The following POLR2G variants were observed in gnomAD, a reference collection of about 807,000 sequenced individuals.
The protein encoded by POLR2G is RNA polymerase II subunit G, also known as DNA-directed RNA polymerase II subunit RPB7.
POLR2G carries 19 observed loss-of-function variants against 25.7 expected under a neutral mutation model. The ratio of observed to expected loss-of-function variants is 0.74; its 90% CI spans 0.52 to 1.08. The LOEUF is 1.08. Among genes scored for constraint, POLR2G ranks in the 50% least tolerant of loss-of-function variants. POLR2G has a pLI of 0.00. For synonymous variants in POLR2G, 79 were observed against 76.0 expected (o/e 1.04, Z -0.21); for missense variants, 123 against 218.5 (o/e 0.56, Z 2.76).
intron 7 of POLR2G, 25 bp downstream of exon 7, chr11:62,766,301 G>A (rs1423417355): frequency 6.2e-7 from 1 of 1,610,052 alleles, no homozygotes; most frequent in Admixed American, 1.7e-5. Context: ...ATAGGTGCTG[G>A]GGTTATTGCC....
rs201119366 is a variant in POLR2G at position 62,761,828 on chromosome 11, C to G, written c.46C>G (p.Arg16Gly). The G allele has an allele frequency of 4.3e-6, 7 of 1,614,024 alleles. No homozygotes were observed. In the Admixed American group the frequency reaches 1.0e-4, roughly 23 times the overall value. The change falls in exon 2 of 8, where the codon CGC (arginine) becomes GGC (glycine). Residue 16 changes from arginine to glycine, a missense_variant. Coordinates refer to ENST00000301788, the MANE Select transcript of POLR2G (RefSeq NM_002696.3). ...SLEHEILLHP[R>G]YFGPNLLNTV... ...AGAGCACGAAATCCTGCTGCACCCG[C>G]GCTACTTCGGCCCCAACTTGCTCAA...
rs901547366 is a variant in POLR2G at position 62,762,977 on chromosome 11, G to C, written c.233G>C (p.Arg78Pro). The change falls in exon 3 of 8, where the codon CGG becomes CCG. Residue 78 changes from arginine to proline, a missense_variant. By Grantham distance (103) the Arg-to-Pro change is moderately radical. Coordinates refer to ENST00000301788, the MANE Select transcript of POLR2G (RefSeq NM_002696.3). ...GTTAAGTACAAGGCCATTGTTTTCC[G>C]GCCATTTAAAGGGGAGGTCGTGGAT... ...YPVKYKAIVF[R>P]PFKGEVVDAV... 8 of 1,610,714 alleles carry C rather than the reference G, an allele frequency of 5.0e-6. No individual in the cohort carries two copies. The highest frequency in any genetic ancestry group is 6.8e-6 in the Non-Finnish European group (8 of 1,177,482).
At chr11:62,762,228 T>G (rs2084092754) in intron 2 of POLR2G, 1 of 339,590 alleles carries the variant, frequency 2.9e-6, no homozygotes, top group Admixed American at 4.1e-5. Flanking sequence ...CCTGTGGAGC[T>G]CACAGTGTAA....
chr11:62,765,327 ACT>A lies in POLR2G; in HGVS notation c.334-12_334-11del, dbSNP rs1191807041. The stretch of plus-strand genomic sequence containing the variant: ...CATTTAAAGTGCTAACCTAGATCTC[ACT>A]TTCCTTTCAGTCCATCCCTTCAGAG... On this transcript the variant is annotated splice_polypyrimidine_tract_variant and intron_variant, in intron 4 of 7. Coordinates refer to ENST00000301788, the MANE Select transcript of POLR2G (RefSeq NM_002696.3). The A allele has an allele frequency of 1.2e-6, 2 of 1,611,606 alleles. No individual in the cohort carries two copies. The highest frequency in any genetic ancestry group is 2.7e-5 in the African/African-American group (2 of 74,838).
chr11:62,766,595 T>A lies in POLR2G; in HGVS notation c.*88T>A. 7.5e-7 allele frequency: 1 copy of A among 1,328,176 alleles called. No homozygotes were observed. The highest frequency in any genetic ancestry group is 1.1e-6 in the Non-Finnish European group (1 of 925,886). 82.3% of individuals were successfully genotyped at this position (1,328,176 alleles called of 1,614,324 possible). On this transcript the variant is annotated 3_prime_UTR_variant, in exon 8 of 8. Transcript: ENST00000301788. ...GTCCAGAGGTCCAGTCTGGCTGCTGTTGTGGAGGCAAGGAAGGCAACTCAT... is the reference window on the plus strand; with the variant it reads ...GTCCAGAGGTCCAGTCTGGCTGCTGATGTGGAGGCAAGGAAGGCAACTCAT...
Position 62,765,669 on chromosome 11 carries a change from A to C in POLR2G, c.416A>C (p.Gln139Pro). Residue 139 changes from glutamine to proline, a missense_variant, in exon 6 of 8, where the codon CAG becomes CCG. Gln to Pro is a moderately conservative substitution (Grantham distance 76). Coordinates refer to ENST00000301788, the MANE Select transcript of POLR2G (RefSeq NM_002696.3). ...TCTCCTCAGGATATTGTGATTCAGC[A>C]GGACGATGAGATCCGCTTAAAGATT... ...KTMDEDIVIQ[Q>P]DDEIRLKIVG... 1.2e-6 allele frequency: 2 copies of C among 1,610,808 alleles called. No homozygotes were observed. The highest frequency in any genetic ancestry group is 1.7e-6 in the Non-Finnish European group (2 of 1,176,962).
Position 62,765,328 on chromosome 11 carries a change from C to G in POLR2G, c.334-12C>G. On this transcript the variant is annotated splice_polypyrimidine_tract_variant and intron_variant, in intron 4 of 7. Transcript: ENST00000301788. ...ATTTAAAGTGCTAACCTAGATCTCACTTTCCTTTCAGTCCATCCCTTCAGA... is the reference window on the plus strand; with the variant it reads ...ATTTAAAGTGCTAACCTAGATCTCAGTTTCCTTTCAGTCCATCCCTTCAGA... 7 of 1,612,400 alleles carry G rather than the reference C, an allele frequency of 4.3e-6. No individual in the cohort carries two copies. The highest frequency in any genetic ancestry group is 5.9e-6 in the Non-Finnish European group (7 of 1,178,442).
In POLR2G at chr11:62,766,516, G is replaced by T; in HGVS notation, c.*9G>T. ...CAGGGCTTGTAAGCTGAGCCTGGTG[G>T]CCTCCTACCCTTGGTCCTACTCTAG... On this transcript the variant is annotated 3_prime_UTR_variant, in exon 8 of 8. Transcript: ENST00000301788. 6.2e-7 allele frequency: 1 copy of T among 1,613,210 alleles called. No homozygotes were observed. The highest frequency in any genetic ancestry group is 1.1e-5 in the South Asian group (1 of 91,056).
At chr11:62,764,656 CATG>C (rs925805393) in intron 3 of POLR2G, among the ~76,000 whole-genome samples, 1 of 151,888 alleles carries the variant, frequency 6.6e-6, no homozygotes, top group African/African-American at 2.4e-5. Context: ...ATTAGCCTAG[CATG>C]GTGGTGTGCA....
rs2084094925 is a variant in POLR2G, at chr11:62,762,769, C to T, written c.123-98C>T. The T allele has an allele frequency of 1.2e-5, 11 of 952,152 alleles. No individual in the cohort carries two copies. In the Middle Eastern group the frequency reaches 6.6e-4, roughly 58 times the overall value. The allele number at this position is 952,152 out of a possible 1,614,324, so 59.0% of individuals were successfully genotyped here. ...TGCTATCTACTTGTCCTTTTGCTCT[C>T]CCCGACCCTACCCCCAAGAGCTCAG... On this transcript the variant is annotated intron_variant, in intron 2 of 7. Transcript: ENST00000301788.
intron 3 of POLR2G, 40 bp downstream of exon 3, chr11:62,763,066 G>A (rs998285253): frequency 7.7e-6 from 11 of 1,431,300 alleles, no homozygotes; most frequent in African/African-American, 2.8e-5. Context: ...GTAGTCTCTC[G>A]GAAGATCTGG....
rs2084095749 is a variant in POLR2G, at chr11:62,762,913, G to T, written c.169G>T (p.Gly57Cys). ...CACCACCATTGACAATATTGGTGCT[G>T]GTGTGATCCAGCCAGGCCGAGGCTT... is the stretch of plus-strand genomic sequence containing the variant. ...AVTTIDNIGAGVIQPGRGFVL... is the reference protein window; with the variant it reads ...AVTTIDNIGACVIQPGRGFVL... The change falls in exon 3 of 8, where the codon GGT becomes TGT. Residue 57 changes from glycine to cysteine, a missense_variant. Coordinates refer to ENST00000301788, the MANE Select transcript of POLR2G (RefSeq NM_002696.3). The T allele has an allele frequency of 1.2e-6, 2 of 1,610,582 alleles. No individual in the cohort carries two copies.
At chr11:62,762,068 C>T in intron 2 of POLR2G, 164 bp downstream of exon 2, 2 of 607,442 alleles carry the variant, frequency 3.3e-6, no homozygotes, top group Non-Finnish European at 5.9e-6. Flanking sequence ...AGGGCGCCCT[C>T]TGCAATGCTG....
intron 2 of POLR2G, chr11:62,762,412 C>A (rs2084093292): frequency 3.3e-6 from 1 of 298,882 alleles, no homozygotes; most frequent in African/African-American, 2.2e-5. Context: ...CATCTCTGGG[C>A]TTTGCACAGA....
At chr11:62,765,863 C>T (rs1273146784) in intron 6 of POLR2G, 139 bp downstream of exon 6, 2 of 620,472 alleles carry the variant, frequency 3.2e-6, no homozygotes, top group African/African-American at 3.7e-5. Flanking sequence ...TCTCGGCTCA[C>T]TGCAAGCTCT....
chr11:62,761,934 T>C, intron 2 of POLR2G, 30 bp downstream of exon 2: 1 of 1,484,916 alleles, frequency 6.7e-7, no homozygotes. Flanking sequence ...CACCGCCAGA[T>C]CGTTCGATGC....
intron 2 of POLR2G, chr11:62,762,147 T>C (rs191059847): frequency 9.5e-6 from 5 of 528,806 alleles, no homozygotes; most frequent in African/African-American, 1.9e-5. Flanking sequence ...TTAAAAACCC[T>C]TGGTGTGTGC....
At chr11:62,765,827 A>G (rs1243069755) in intron 6 of POLR2G, 103 bp downstream of exon 6, 16 of 734,044 alleles carry the variant, frequency 2.2e-5, no homozygotes, top group Non-Finnish European at 3.2e-5. Context: ...TTGCTCTGTC[A>G]CCCAGGCTGG....
At chr11:62,762,783 C>A (rs986052853) in intron 2 of POLR2G, 84 bp from the exon 3 acceptor site, 2 of 1,170,216 alleles carry the variant, frequency 1.7e-6, no homozygotes, top group Admixed American at 4.1e-5. Flanking sequence ...GACCCTACCC[C>A]CAAGAGCTCA....
Sources: gnomAD v4.1 joint callset for allele counts (sites outside exome capture counted in the v4.1 genomes callset) on GRCh38, gnomAD v4.1.1 for gene constraint, MANE v1.5 for transcripts, NCBI Gene and HGNC (gene_info 2026-07-23, HGNC 2026-07-21) for gene names.